Variants in SON observed in about 807,000 individuals in gnomAD.
The protein encoded by SON is SON DNA and RNA binding protein, also known as protein SON.
In SON, 4 loss-of-function variants were observed where a neutral mutation model predicts 173.3. The observed-to-expected ratio is 0.02, with a 90% CI of 0.01 to 0.05. SON has a LOEUF of 0.05. SON is among the 10% of genes least tolerant of loss of function. SON has a pLI of 1.00. For synonymous variants in SON, 1,190 were observed against 1,105.9 expected, an observed-to-expected ratio of 1.08 and a Z score of -1.51; for missense variants, 2,626 against 3,055.3, an observed-to-expected ratio of 0.86 and a Z score of 3.31.
chr21:33,560,461 G>T, intron 6 of SON: 1 of 1,044,268 alleles, frequency 9.6e-7, no homozygotes. Flanking sequence ...TTTCCACGGG[G>T]CTATAGTTGT....
chr21:33,543,070 G>C lies in SON; in HGVS notation c.-23G>C. Reference sequence around the variant, plus strand: ...GAGCCTGGAGGACTAGCGAGGAGGAGTTGAGAGAACGGAGCGGACGCCATG... The same window carrying C: ...GAGCCTGGAGGACTAGCGAGGAGGACTTGAGAGAACGGAGCGGACGCCATG... On this transcript the variant is annotated 5_prime_UTR_variant, in exon 1 of 12. Coordinates refer to ENST00000356577, the MANE Select transcript of SON (RefSeq NM_138927.4). 2 of 1,612,948 alleles carry C rather than the reference G, an allele frequency of 1.2e-6. No homozygotes were observed. The highest frequency in any genetic ancestry group is 1.3e-5 in the African/African-American group (1 of 75,068).
rs1354851245 is a variant in SON, at chr21:33,549,665, A to C, written c.434A>C (p.Asp145Ala). ...GAGTCAAAGACGAAATCTCATGATG[A>C]TGGGAACATAGATTTAGAATCTGAT... is the stretch of plus-strand genomic sequence containing the variant. ...ESESKTKSHD[D>A]GNIDLESDSF... Residue 145 changes from aspartate (D) to alanine (A), a missense_variant, in exon 3 of 12, where the codon GAT (aspartate) becomes GCT (alanine). By Grantham distance (126) the Asp-to-Ala change is moderately radical (BLOSUM62 -2). Around this residue, in one of 13 missense-constraint regions of SON, gnomAD observed 757 missense variants for 730.1 expected, o/e 1.04. Coordinates refer to ENST00000356577, the MANE Select transcript of SON (RefSeq NM_138927.4). The C allele has an allele frequency of 6.2e-7, 1 of 1,611,790 alleles. No homozygotes were observed. Among genetic ancestry groups the C allele is most frequent in the South Asian group, 1.1e-5 (1 of 89,916 alleles).
At position 33,564,463 on chromosome 21, in the gene SON, C is replaced by G. The variant is rs2086126322; in HGVS notation, c.6658-2694C>G. On this transcript the variant is annotated intron_variant, in intron 6 of 11. Coordinates refer to ENST00000356577, the MANE Select transcript of SON (RefSeq NM_138927.4). ...TGCCTCATTGTATAACTTGAGTTAC[C>G]TTGAAAGGCTGGAAACAGGCTTTTT... Among the ~76,000 whole-genome samples the G allele has an allele frequency of 2.0e-5, 3 of 152,142 alleles. No individual in the cohort carries two copies. In the South Asian group the frequency reaches 6.2e-4, roughly 32 times the overall value.
chr21:33,565,638 C>G (rs1269986910), intron 6 of SON, among the ~76,000 whole-genome samples: 1 of 152,052 alleles, frequency 6.6e-6, no homozygotes, highest in African/African-American at 2.4e-5. Flanking sequence ...TCTAATAGGT[C>G]TTAGAATTGT....
At chr21:33,546,056 A>C in intron 1 of SON, among the ~76,000 whole-genome samples, 157 bp from the exon 2 acceptor site, 1 of 152,254 alleles carries the variant, frequency 6.6e-6, no homozygotes, top group Non-Finnish European at 1.5e-5. Context: ...ATATAAGTAG[A>C]TCATGGTAAG....
At chr21:33,569,760 G>A (rs771703623) in intron 8 of SON, 1 of 309,962 alleles carries the variant, frequency 3.2e-6, no homozygotes, top group Non-Finnish European at 6.5e-6. Flanking sequence ...CTGGAGTGGG[G>A]TGGGCTGTGG....
Position 33,569,335 on chromosome 21 carries a change from A to T in SON, c.6885+248A>T, listed in dbSNP as rs1045913423. The T allele has an allele frequency of 1.2e-5, 5 of 429,868 alleles. No individual in the cohort carries two copies. In the Admixed American group the frequency reaches 2.0e-4, roughly 17 times the overall value. 26.6% of individuals were successfully genotyped at this position (429,868 alleles called of 1,614,324 possible). A position where few individuals can be genotyped will look rare whatever the true frequency, so the allele number is the denominator to read the frequency against. Reference sequence around the variant, plus strand: ...TAAAAATTGTTACTGCTGCTTTTGAAGGGGTGATTTAACTTTATTTTGAAC... The same window carrying T: ...TAAAAATTGTTACTGCTGCTTTTGATGGGGTGATTTAACTTTATTTTGAAC... On this transcript the variant is annotated intron_variant, in intron 8 of 11. Coordinates refer to ENST00000356577, the MANE Select transcript of SON (RefSeq NM_138927.4).
At chr21:33,570,437 GC>G (rs1188731636) in intron 8 of SON, among the ~76,000 whole-genome samples, 1 of 152,132 alleles carries the variant, frequency 6.6e-6, no homozygotes, top group South Asian at 2.1e-4. Context: ...CATTATGCCT[GC>G]CTTTTTTTGG....
intron 8 of SON, chr21:33,572,380 T>C: frequency 3.1e-6 from 1 of 322,032 alleles, no homozygotes; most frequent in Non-Finnish European, 6.3e-6. Context: ...TTTCTTAACC[T>C]GTAAAAATAA....
intron 4 of SON, chr21:33,557,787 C>G (rs765664164): frequency 1.6e-5 from 20 of 1,222,972 alleles, no homozygotes; most frequent in Admixed American, 3.3e-5. Flanking sequence ...TCTTTCGCAT[C>G]AACATTTCGG....
chr21:33,567,683 C>T (rs530173188), intron 7 of SON, among the ~76,000 whole-genome samples: 27 of 152,094 alleles, frequency 1.8e-4, no homozygotes, highest in African/African-American at 5.8e-4. Context: ...TTTGGGAGGC[C>T]GAGGTGGGGG....
intron 6 of SON, 74 bp from the exon 7 acceptor site, chr21:33,567,083 T>C (rs2086189694): frequency 1.3e-6 from 1 of 775,426 alleles, no homozygotes; most frequent in East Asian, 2.5e-5. Context: ...ATGTAGCAAC[T>C]AAAGATATGA....
In SON at chr21:33,554,886, T is replaced by C. The variant is rs751864978; in HGVS notation, c.5655T>C (p.Ser1885=). 3.1e-6 allele frequency: 5 copies of C among 1,613,948 alleles called. No individual in the cohort carries two copies. Among genetic ancestry groups the C allele is most frequent in the African/African-American group, 2.7e-5 (2 of 74,884 alleles). The change falls in exon 3 of 12, where the codon TCT becomes TCC. Residue 1885 remains serine (S), a synonymous_variant. Coordinates refer to ENST00000356577, the MANE Select transcript of SON (RefSeq NM_138927.4). The part of the protein sequence containing the change: ...RSRSKSRGRR[S]VSKEKRKRSP... Reference sequence around the variant, plus strand: ...GATCAAAGTCTAGAGGAAGAAGATCTGTATCAAAAGAGAAGCGCAAAAGAT... The same window carrying C: ...GATCAAAGTCTAGAGGAAGAAGATCCGTATCAAAAGAGAAGCGCAAAAGAT...
At chr21:33,565,799 G>A (rs1009903774) in intron 6 of SON, among the ~76,000 whole-genome samples, 3 of 152,156 alleles carry the variant, frequency 2.0e-5, no homozygotes, top group African/African-American at 7.2e-5. Flanking sequence ...TTACAGAAAG[G>A]ATTAATTTTG....
At chr21:33,574,167 G>A (rs1366797431) in intron 9 of SON, among the ~76,000 whole-genome samples, 2 of 152,198 alleles carry the variant, frequency 1.3e-5, no homozygotes, top group Non-Finnish European at 2.9e-5. Flanking sequence ...TTGGAATAAT[G>A]TAAGTGGAAT....
chr21:33,570,461 C>T (rs1237442831), intron 8 of SON, among the ~76,000 whole-genome samples: 1 of 152,070 alleles, frequency 6.6e-6, no homozygotes, highest in African/African-American at 2.4e-5. Flanking sequence ...AGTAGTTGCA[C>T]TGATGTGTAT....
intron 1 of SON, among the ~76,000 whole-genome samples, chr21:33,545,205 T>TCA (rs2085586721): frequency 6.6e-6 from 1 of 152,190 alleles, no homozygotes; most frequent in Non-Finnish European, 1.5e-5. Flanking sequence ...AGTGGTGATC[T>TCA]CAGAGTTTTG....
At position 33,575,606 on chromosome 21, in the gene SON, A is replaced by G; in HGVS notation, c.7044A>G (p.Ala2348=). 6.2e-7 allele frequency: 1 copy of G among 1,609,396 alleles called. No individual in the cohort carries two copies. The highest frequency in any genetic ancestry group is 8.5e-7 in the Non-Finnish European group (1 of 1,178,504). ...AATTTTTTTTTAAAGGTCTTGTTGC[A>G]GTAGGAGAAAGAGCACAAAAGAGGT... The part of the protein sequence containing the change: ...DFKTDRKGLV[A]VGERAQKRSG... The change falls in exon 10 of 12, where the codon GCA becomes GCG. Residue 2348 remains alanine (A), a synonymous_variant. Transcript: ENST00000356577.
chr21:33,566,650 G>A (rs2086178396), intron 6 of SON, among the ~76,000 whole-genome samples: 1 of 152,102 alleles, frequency 6.6e-6, no homozygotes. Context: ...GTCCACAACT[G>A]GAAGATGTTA....
Sources: allele counts gnomAD v4.1 joint callset (sites outside exome capture counted in the v4.1 genomes callset), GRCh38; gene constraint gnomAD v4.1.1; regional missense constraint gnomAD v4.1.1; transcripts MANE v1.5; gene names NCBI Gene and HGNC (gene_info 2026-07-23, HGNC 2026-07-21).